PDE9A: variants seen among roughly 807,000 people sequenced by gnomAD.
PDE9A encodes high affinity cGMP-specific 3',5'-cyclic phosphodiesterase 9A.
PDE9A carries 60 observed loss-of-function variants against 87.4 expected under a neutral mutation model. That is an observed-to-expected ratio of 0.69 (90% confidence interval 0.56 to 0.85). The LOEUF (loss-of-function observed/expected upper bound fraction) is 0.85. Among genes scored for constraint, PDE9A ranks in the 40% least tolerant of loss-of-function variants. The pLI is 0.00. For synonymous variants in PDE9A, 272 were observed against 279.4 expected, an observed-to-expected ratio of 0.97 and a Z score of 0.27; for missense variants, 665 against 779.0, an observed-to-expected ratio of 0.85 and a Z score of 1.74.
At chr21:42,670,213 A>ACT (rs1311591101) in intron 1 of PDE9A, among the ~76,000 whole-genome samples, 3 of 125,508 alleles carry the variant, frequency 2.4e-5, no homozygotes, top group African/African-American at 1.2e-4. Flanking sequence ...ATACACTTAC[A>ACT]TTCACACACA....
chr21:42,729,644 A>C (rs2051515067), intron 4 of PDE9A, among the ~76,000 whole-genome samples: 1 of 152,066 alleles, frequency 6.6e-6, no homozygotes, highest in Non-Finnish European at 1.5e-5. Context: ...TAGTGCTATA[A>C]ATTTCCCTCT....
intron 1 of PDE9A, among the ~76,000 whole-genome samples, chr21:42,658,336 T>C (rs1211936851): frequency 3.3e-5 from 5 of 152,350 alleles, no homozygotes; most frequent in Admixed American, 3.3e-4. Flanking sequence ...TGCCTGGTTC[T>C]ACTGATCTGT....
At chr21:42,700,179 A>T (rs1191391821) in intron 4 of PDE9A, among the ~76,000 whole-genome samples, 1 of 152,174 alleles carries the variant, frequency 6.6e-6, no homozygotes, top group Non-Finnish European at 1.5e-5. Flanking sequence ...TGCTGTGTGT[A>T]GAGACAGTTC....
intron 1 of PDE9A, among the ~76,000 whole-genome samples, chr21:42,683,102 C>T (rs946582166): frequency 2.4e-4 from 37 of 152,218 alleles, no homozygotes; most frequent in African/African-American, 8.9e-4. Context: ...AACAGTACAA[C>T]GACACGCATG....
intron 4 of PDE9A, among the ~76,000 whole-genome samples, chr21:42,710,408 CAA>C (rs35770609): frequency 0.016 from 1,744 of 110,712 alleles, 31 homozygotes; most frequent in African/African-American, 0.041. Context: ...GACTCCATCT[CAA>C]AAAAAAAAAA....
chr21:42,712,708 G>T (rs1342360993), intron 4 of PDE9A, among the ~76,000 whole-genome samples: 1 of 152,144 alleles, frequency 6.6e-6, no homozygotes, highest in African/African-American at 2.4e-5. Flanking sequence ...TTTTCTGAGA[G>T]TTTTTTGTCT....
chr21:42,663,127 A>AT (rs1221443055), intron 1 of PDE9A, among the ~76,000 whole-genome samples: 2 of 151,040 alleles, frequency 1.3e-5, no homozygotes, highest in Non-Finnish European at 3.0e-5. Flanking sequence ...ACACATGCAC[A>AT]CACCACACAT....
At position 42,690,028 on chromosome 21, in the gene PDE9A, G is replaced by A. The variant is rs1263941878; in HGVS notation, c.218+2034G>A. On this transcript the variant is annotated intron_variant, in intron 3 of 19. Coordinates refer to ENST00000291539, the MANE Select transcript of PDE9A (RefSeq NM_002606.3). ...GATGAGGATACAGGTGAAGAAGGTG[G>A]AGACAGACGCGGATGAGGATACAGA... 3 of 985,352 alleles carry A rather than the reference G, an allele frequency of 3.0e-6. No homozygotes were observed. In the African/African-American group the frequency reaches 5.2e-5, roughly 17 times the overall value. 61.0% of individuals were successfully genotyped at this position (985,352 alleles called of 1,614,324 possible).
chr21:42,654,537 G>A (rs1257662008), intron 1 of PDE9A, among the ~76,000 whole-genome samples: 1 of 152,206 alleles, frequency 6.6e-6, no homozygotes, highest in Non-Finnish European at 1.5e-5. Context: ...CAATGAGCGC[G>A]CCGGCTTGGA....
intron 7 of PDE9A, among the ~76,000 whole-genome samples, chr21:42,743,230 T>C (rs551072707): frequency 2.0e-5 from 3 of 152,240 alleles, no homozygotes; most frequent in Non-Finnish European, 4.4e-5. Context: ...TCCTCAACTT[T>C]GCCTATTTAT....
chr21:42,699,451 G>C (rs2300958), intron 4 of PDE9A, among the ~76,000 whole-genome samples: 102,373 of 152,188 alleles, frequency 0.67, 35,235 homozygotes, highest in East Asian at 0.94. Context: ...TGTCCTCCCC[G>C]CTCCACTGTG....
chr21:42,709,913 T>C (rs1246743917), intron 4 of PDE9A, among the ~76,000 whole-genome samples: 3 of 152,220 alleles, frequency 2.0e-5, no homozygotes, highest in African/African-American at 4.8e-5. Flanking sequence ...TTTGCACTGC[T>C]GAGCACTGCA....
At chr21:42,656,652 GA>G (rs779647381) in intron 1 of PDE9A, among the ~76,000 whole-genome samples, 4 of 152,194 alleles carry the variant, frequency 2.6e-5, no homozygotes, top group Non-Finnish European at 5.9e-5. Context: ...CACATCACCA[GA>G]GTGACACAGT....
At position 42,685,711 on chromosome 21, in the gene PDE9A, A is replaced by G. The variant is rs531035958; in HGVS notation, c.70-481A>G. On this transcript the variant is annotated intron_variant, in intron 1 of 19. Coordinates refer to ENST00000291539, the MANE Select transcript of PDE9A (RefSeq NM_002606.3). ...TGGAACTCCTGATCTCAGGTGATCC[A>G]CCCGCCTCTGCCTCCCAAAGTGCTG... Among the ~76,000 whole-genome samples, 1,287 of 149,426 alleles carry G rather than the reference A, an allele frequency of 8.6e-3. 12 individuals are homozygous for G. Among genetic ancestry groups the G allele is most frequent in the African/African-American group, 0.03 (1,215 of 40,490 alleles).
rs1249547496 is a variant in PDE9A at position 42,723,956 on chromosome 21, A to C, written c.263-7814A>C. ...TTATACGTCCTGCAGCATTTAGGAA[A>C]AAGAGGGAGGTGTCACACATAATAT... On this transcript the variant is annotated intron_variant, in intron 4 of 19. Transcript: ENST00000291539. This position sits in a 1 kb window ranked among gnomAD's most constrained non-coding sequence, Gnocchi z 4.3. 6.6e-6 allele frequency among the ~76,000 whole-genome samples: 1 copy of C among 152,220 alleles called. No homozygotes were observed. Among genetic ancestry groups the C allele is most frequent in the Admixed American group, 6.5e-5 (1 of 15,286 alleles).
chr21:42,726,968 C>T (rs1276510680), intron 4 of PDE9A, among the ~76,000 whole-genome samples: 1 of 146,538 alleles, frequency 6.8e-6, no homozygotes, highest in African/African-American at 2.5e-5. Flanking sequence ...TCATAAGTCT[C>T]AAAAATAAGA....
In PDE9A at chr21:42,726,624, A is replaced by ATATATAT; in HGVS notation, c.263-5145_263-5144insATATATT. Among the ~76,000 whole-genome samples, 147 of 19,774 alleles carry ATATATAT rather than the reference A, an allele frequency of 7.4e-3. 3 individuals carry two copies. The highest frequency in any genetic ancestry group is 9.7e-3 in the Non-Finnish European group (130 of 13,350). The allele number at this position is 19,774 out of a possible 152,430, so 13.0% of individuals were successfully genotyped here. A position where few individuals can be genotyped will look rare whatever the true frequency, so the allele number is the denominator to read the frequency against. On this transcript the variant is annotated intron_variant, in intron 4 of 19. Transcript: ENST00000291539. ...TATATATATATATATATATATATAT[A>ATATATAT]TTTTTTTTTTTTTTTTTGTAGAGAT...
In PDE9A at chr21:42,654,027, G is replaced by T. The variant is rs565674131; in HGVS notation, c.69+144G>T. On this transcript the variant is annotated intron_variant, in intron 1 of 19. Coordinates refer to ENST00000291539, the MANE Select transcript of PDE9A (RefSeq NM_002606.3). ...CCGCCAGCTCTGGTCGGGGGCGGGGGTCCCCACGCGCCGGCTCCCCGGGGA... is the reference window on the plus strand; with the variant it reads ...CCGCCAGCTCTGGTCGGGGGCGGGGTTCCCCACGCGCCGGCTCCCCGGGGA... The T allele has an allele frequency of 2.0e-3, 744 of 365,588 alleles. 2 individuals are homozygous for T. The highest frequency in any genetic ancestry group is 2.5e-3 in the Non-Finnish European group (492 of 197,996). 22.6% of individuals were successfully genotyped at this position (365,588 alleles called of 1,614,324 possible).
chr21:42,706,088 C>G (rs1231477992), intron 4 of PDE9A, among the ~76,000 whole-genome samples: 1 of 152,158 alleles, frequency 6.6e-6, no homozygotes, highest in Non-Finnish European at 1.5e-5. Context: ...CTGGCTGTGC[C>G]CCACAACATG....
Sources: gnomAD v4.1 joint callset for allele counts (sites outside exome capture counted in the v4.1 genomes callset) on GRCh38, gnomAD v4.1.1 for gene constraint, Gnocchi (gnomAD v3.1) non-coding constraint, MANE v1.5 for transcripts, NCBI Gene and HGNC (gene_info 2026-07-23, HGNC 2026-07-21) for gene names.